Variants in SLC25A48 observed in about 807,000 individuals in gnomAD.
The protein encoded by SLC25A48 is solute carrier family 25 member 48.
SLC25A48 carries 29 observed loss-of-function variants against 32.2 expected under a neutral mutation model. The ratio of observed to expected loss-of-function variants is 0.90; its 90% CI spans 0.67 to 1.23. SLC25A48 has a LOEUF of 1.23. Among genes scored for constraint, SLC25A48 ranks in the 50% most tolerant of loss-of-function variants. The pLI, the probability that SLC25A48 is intolerant of heterozygous loss-of-function variation, is 0.00. For missense variants in SLC25A48, 399 were observed against 422.7 expected (o/e 0.94, Z 0.49); for synonymous variants, 164 against 172.3 (o/e 0.95, Z 0.38).
At chr5:135,725,065 T>G (rs1755057367) in intron 3 of SLC25A48, among the ~76,000 whole-genome samples, 1 of 152,258 alleles carries the variant, frequency 6.6e-6, no homozygotes, top group Admixed American at 6.5e-5. Context: ...GTAAAAATCC[T>G]GAGAGGGACC....
chr5:135,653,154 G>A (rs1753157757), intron 3 of SLC25A48, among the ~76,000 whole-genome samples: 1 of 152,168 alleles, frequency 6.6e-6, no homozygotes, highest in Non-Finnish European at 1.5e-5. Flanking sequence ...CTAGAACTGT[G>A]AGAAATAAAT....
At chr5:135,755,954 A>G (rs1403098794) in intron 3 of SLC25A48, among the ~76,000 whole-genome samples, 1 of 152,152 alleles carries the variant, frequency 6.6e-6, no homozygotes, top group East Asian at 1.9e-4. Flanking sequence ...AACGCACTAT[A>G]CTAATGAAAT....
chr5:135,858,049 G>A (rs534183834), intron 4 of SLC25A48, among the ~76,000 whole-genome samples: 6 of 152,140 alleles, frequency 3.9e-5, no homozygotes, highest in East Asian at 1.9e-4. Flanking sequence ...AAGATTCCCC[G>A]AGCCTCCTGT....
intron 3 of SLC25A48, among the ~76,000 whole-genome samples, chr5:135,749,177 A>C (rs1755711102): frequency 6.6e-6 from 1 of 151,910 alleles, no homozygotes; most frequent in South Asian, 2.1e-4. Flanking sequence ...GCACTCAGTG[A>C]GTCTTTGCAC....
chr5:135,776,339 T>C (rs969617853), intron 3 of SLC25A48, among the ~76,000 whole-genome samples: 2 of 151,590 alleles, frequency 1.3e-5, no homozygotes, highest in Non-Finnish European at 2.9e-5. Flanking sequence ...TGTGATATTG[T>C]TTTTAATATA....
intron 1 of SLC25A48, among the ~76,000 whole-genome samples, chr5:135,835,782 A>G (rs1469173139): frequency 6.6e-6 from 1 of 152,018 alleles, no homozygotes; most frequent in African/African-American, 2.4e-5. Context: ...AAGGGGTGAA[A>G]AAATAAGATG....
At chr5:135,583,421 G>T (rs932073588) in intron 1 of SLC25A48, among the ~76,000 whole-genome samples, 1 of 151,958 alleles carries the variant, frequency 6.6e-6, no homozygotes, top group Non-Finnish European at 1.5e-5. Flanking sequence ...TGGGAGCTGG[G>T]ATCCAGGGCA....
chr5:135,596,901 G>T (rs1473150823), intron 1 of SLC25A48, among the ~76,000 whole-genome samples: 1 of 152,152 alleles, frequency 6.6e-6, no homozygotes, highest in Non-Finnish European at 1.5e-5. Flanking sequence ...GGTGCACTTG[G>T]CAGAGGGCTG....
At chr5:135,593,850 A>T (rs1013016330) in intron 1 of SLC25A48, among the ~76,000 whole-genome samples, 1 of 152,202 alleles carries the variant, frequency 6.6e-6, no homozygotes, top group African/African-American at 2.4e-5. Flanking sequence ...GTTAATGGGG[A>T]CATTATTGTT....
intron 3 of SLC25A48, among the ~76,000 whole-genome samples, chr5:135,667,328 C>T: frequency 6.6e-6 from 1 of 152,162 alleles, no homozygotes. Context: ...CCTGCGTGTC[C>T]TGCAAACTGG....
Position 135,852,649 on chromosome 5 carries a change from G to A in SLC25A48, c.249G>A (p.Thr83=), listed in dbSNP as rs61745845. 11,300 of 1,613,736 alleles carry A rather than the reference G, an allele frequency of 7.0e-3. 72 individuals are homozygous for A. The highest frequency in any genetic ancestry group is 6.7e-3 in the Non-Finnish European group (7,858 of 1,179,710). ...TGGTGTTTGGGGTCTTCAGTAACAC[G>A]CAGCGGTTCCTCAGCCAGCACCGCT... is the stretch of plus-strand genomic sequence containing the variant. ...NSVVFGVFSN[T]QRFLSQHRCG... The change falls in exon 4 of 8, where the codon ACG becomes ACA. Residue 83 remains threonine (T), a synonymous_variant. Transcript: ENST00000681962.
intron 3 of SLC25A48, among the ~76,000 whole-genome samples, chr5:135,701,468 C>T (rs1012227090): frequency 2.6e-5 from 4 of 151,738 alleles, no homozygotes; most frequent in African/African-American, 9.7e-5. Flanking sequence ...GAACATAACT[C>T]CCCCCCGCCA....
intron 1 of SLC25A48, among the ~76,000 whole-genome samples, chr5:135,593,937 G>T (rs530783804): frequency 1.5e-3 from 225 of 152,218 alleles, no homozygotes; most frequent in Admixed American, 4.6e-3. Flanking sequence ...CTGGTCACTG[G>T]CTGGATGGGA....
At chr5:135,596,927 A>T (rs951799041) in intron 1 of SLC25A48, among the ~76,000 whole-genome samples, 5 of 152,172 alleles carry the variant, frequency 3.3e-5, no homozygotes, top group Non-Finnish European at 5.9e-5. Context: ...CAGCTCTGCC[A>T]CTGACTAGCT....
chr5:135,738,656 C>T (rs1028599641), intron 3 of SLC25A48, among the ~76,000 whole-genome samples: 67 of 152,174 alleles, frequency 4.4e-4, no homozygotes, highest in Non-Finnish European at 5.0e-4. Flanking sequence ...ACGAGTGCTC[C>T]GGGATCATCA....
intron 3 of SLC25A48, among the ~76,000 whole-genome samples, chr5:135,795,671 G>A (rs539092159): frequency 6.6e-6 from 1 of 151,686 alleles, no homozygotes; most frequent in South Asian, 2.1e-4. Context: ...AATATTCAGG[G>A]GGGTAGAGGG....
chr5:135,696,025 C>T (rs1754258642), intron 3 of SLC25A48, among the ~76,000 whole-genome samples: 1 of 152,218 alleles, frequency 6.6e-6, no homozygotes, highest in African/African-American at 2.4e-5. Context: ...GCACACTGAC[C>T]TCTCTGAGCC....
intron 6 of SLC25A48, chr5:135,875,525 A>C (rs1225053335): frequency 6.6e-6 from 1 of 152,232 alleles, no homozygotes. Flanking sequence ...TCCAGCCCTT[A>C]GTATTCAATC....
intron 3 of SLC25A48, among the ~76,000 whole-genome samples, chr5:135,805,239 C>G (rs10077216): frequency 0.65 from 97,811 of 150,756 alleles, 33,970 homozygotes; most frequent in Non-Finnish European, 0.78. Flanking sequence ...TGTGTACACC[C>G]GGGATATTAT....
Sources: gnomAD v4.1 joint callset for allele counts (sites outside exome capture counted in the v4.1 genomes callset) on GRCh38, gnomAD v4.1.1 for gene constraint, MANE v1.5 for transcripts, NCBI Gene and HGNC (gene_info 2026-07-23, HGNC 2026-07-21) for gene names.